Variants in AKAP11 observed in about 807,000 individuals in gnomAD.
The protein encoded by AKAP11 is A-kinase anchoring protein 11, also known as A-kinase anchor protein 11.
AKAP11 carries 36 observed loss-of-function variants against 146.1 expected under a neutral mutation model. The ratio of observed to expected loss-of-function variants is 0.25; its 90% CI spans 0.19 to 0.33. The LOEUF (loss-of-function observed/expected upper bound fraction) is 0.33, where lower values mean the gene tolerates loss of function less well. Among genes scored for constraint, AKAP11 ranks in the 10% least tolerant of loss-of-function variants. AKAP11 has a pLI of 1.00. For synonymous variants in AKAP11, 780 were observed against 786.5 expected, an observed-to-expected ratio of 0.99 and a Z score of 0.14; for missense variants, 2,201 against 2,197.0, an observed-to-expected ratio of 1.00 and a Z score of -0.04.
chr13:42,306,846 TTTGTTTGTTG>T (rs1960284889), intron 8 of AKAP11, among the ~76,000 whole-genome samples: 1 of 152,188 alleles, frequency 6.6e-6, no homozygotes, highest in African/African-American at 2.4e-5. Flanking sequence ...TTTATTCATT[TTTGTTTGTTG>T]TTGTTTGTTT....
At position 42,317,662 on chromosome 13, in the gene AKAP11, G is replaced by A. The variant is rs1383182964; in HGVS notation, c.5539G>A (p.Asp1847Asn). Residue 1847 changes from aspartate to asparagine, a missense_variant, in exon 12 of 13, where the codon GAC becomes AAC. Coordinates refer to ENST00000025301, the MANE Select transcript of AKAP11 (RefSeq NM_016248.4). ...EAEVAELYFH[D>N]SANKEFMLLS... ...TGAAGTTGCAGAACTTTATTTTCATGACTCTGCAAATAAGGAGTTTATGCT... is the reference window on the plus strand; with the variant it reads ...TGAAGTTGCAGAACTTTATTTTCATAACTCTGCAAATAAGGAGTTTATGCT... 1 of 1,614,012 alleles carries A rather than the reference G, an allele frequency of 6.2e-7. No individual in the cohort carries two copies. Among genetic ancestry groups the A allele is most frequent in the Non-Finnish European group, 8.5e-7 (1 of 1,179,982 alleles).
chr13:42,299,339 C>T (rs1399894728), intron 7 of AKAP11, 24 bp from the exon 8 acceptor site: 6 of 1,558,148 alleles, frequency 3.9e-6, no homozygotes, highest in Non-Finnish European at 5.2e-6. Context: ...AAAATAATTT[C>T]ACCATTTCAT....
chr13:42,308,819 T>C (rs1317061894), intron 9 of AKAP11, among the ~76,000 whole-genome samples: 1 of 152,232 alleles, frequency 6.6e-6, no homozygotes, highest in Non-Finnish European at 1.5e-5. Flanking sequence ...GGTGTGCCAA[T>C]AGTTGATTTG....
chr13:42,313,146 A>C lies in AKAP11; in HGVS notation c.5357+16A>C. On this transcript the variant is annotated intron_variant, in intron 10 of 12. Transcript: ENST00000025301. ...CATCAGACAGGTTGGTCCAGTCTAG[A>C]AACTTAAAAACTGATGAGTCTGTCA... 3.2e-6 allele frequency: 5 copies of C among 1,573,602 alleles called. No homozygotes were observed. Among genetic ancestry groups the C allele is most frequent in the Non-Finnish European group, 4.3e-6 (5 of 1,150,562 alleles).
chr13:42,303,507 C>T lies in AKAP11; in HGVS notation c.4761C>T (p.Cys1587=), dbSNP rs779467836. ...TGTCACCTCTTACAGGTCAAGCTTG[C>T]AGATACTGTGACCTTAAAGAACTCC... ...EKLSPLTGQA[C]RYCDLKELHN... The change falls in exon 8 of 13, where the codon TGC becomes TGT. Residue 1587 remains cysteine, a synonymous_variant. Transcript: ENST00000025301. 2.5e-6 allele frequency: 4 copies of T among 1,614,090 alleles called. No individual in the cohort carries two copies. Among genetic ancestry groups the T allele is most frequent in the Middle Eastern group, 1.6e-4 (1 of 6,084 alleles).
At chr13:42,288,768 A>G (rs1427675512) in intron 3 of AKAP11, among the ~76,000 whole-genome samples, 2 of 152,066 alleles carry the variant, frequency 1.3e-5, no homozygotes, top group South Asian at 2.1e-4. Context: ...AGGCCAGGCT[A>G]GTTTTATTTT....
In AKAP11 at chr13:42,292,497, C is replaced by T; in HGVS notation, c.164C>T (p.Thr55Ile). 6.4e-7 allele frequency: 1 copy of T among 1,560,758 alleles called. No individual in the cohort carries two copies. Among genetic ancestry groups the T allele is most frequent in the Non-Finnish European group, 8.8e-7 (1 of 1,142,318 alleles). The change falls in exon 4 of 13, where the codon ACT becomes ATT. Residue 55 changes from threonine (T) to isoleucine (I), a missense_variant. Physicochemically the swap from Thr to Ile is moderately conservative, Grantham distance 89. Transcript: ENST00000025301. ...CLQQDEHANL[T>I]EVTFLGFNEE... ...CAGCAGGATGAGCATGCCAATTTAA[C>T]TGAGGTTTAACATACTACTTTCTAA... is the stretch of plus-strand genomic sequence containing the variant.
Position 42,286,019 on chromosome 13 carries a change from G to T in AKAP11, c.-66G>T, listed in dbSNP as rs1195805129. The stretch of plus-strand genomic sequence containing the variant: ...CTTTGACACTTTGCAATAAAAAAGG[G>T]CAGTGAGATTGAATAGGTAAGGGTG... On this transcript the variant is annotated 5_prime_UTR_variant, in exon 2 of 13. Coordinates refer to ENST00000025301, the MANE Select transcript of AKAP11 (RefSeq NM_016248.4). 6.1e-6 allele frequency: 1 copy of T among 163,244 alleles called. No homozygotes were observed. The highest frequency in any genetic ancestry group is 1.3e-5 in the Non-Finnish European group (1 of 75,686). The allele number at this position is 163,244 out of a possible 1,614,324, so 10.1% of individuals were successfully genotyped here.
chr13:42,285,466 T>C (rs1161064337), intron 1 of AKAP11, among the ~76,000 whole-genome samples: 1 of 152,244 alleles, frequency 6.6e-6, no homozygotes, highest in Non-Finnish European at 1.5e-5. Context: ...TACTCTTTAT[T>C]GTGATGAAAC....
intron 8 of AKAP11, among the ~76,000 whole-genome samples, chr13:42,306,617 A>G (rs1188440123): frequency 6.6e-6 from 1 of 152,160 alleles, no homozygotes; most frequent in Non-Finnish European, 1.5e-5. Flanking sequence ...AGCTGACTCT[A>G]GTGTGTAGAG....
At chr13:42,314,731 T>A (rs1960737766) in intron 11 of AKAP11, among the ~76,000 whole-genome samples, 1 of 152,136 alleles carries the variant, frequency 6.6e-6, no homozygotes, top group Non-Finnish European at 1.5e-5. Context: ...AATTAATTAT[T>A]CTTCCCTCCC....
Position 42,311,916 on chromosome 13 carries a change from A to G in AKAP11, c.5274-1131A>G, listed in dbSNP as rs114511328. 3.1e-3 allele frequency among the ~76,000 whole-genome samples: 470 copies of G among 152,308 alleles called. 1 individual carries two copies. Among genetic ancestry groups the G allele is most frequent in the African/African-American group, 0.011 (449 of 41,568 alleles). ...TTTAACTTTTACTCTCTAATACATC[A>G]TGATTTGTGACAGTTTGATCATGTT... On this transcript the variant is annotated intron_variant, in intron 9 of 12. Transcript: ENST00000025301.
At chr13:42,292,609 G>A (rs537921083) in intron 4 of AKAP11, 108 bp downstream of exon 4, 2 of 592,442 alleles carry the variant, frequency 3.4e-6, no homozygotes, top group Admixed American at 2.9e-5. Flanking sequence ...ATCTCTATTT[G>A]TTGTTACATG....
intron 1 of AKAP11, among the ~76,000 whole-genome samples, chr13:42,278,658 T>C (rs575824726): frequency 6.6e-6 from 1 of 152,352 alleles, no homozygotes; most frequent in Non-Finnish European, 1.5e-5. Context: ...TTACTATTTT[T>C]AAACAGTTAT....
In AKAP11 at chr13:42,301,255, T is replaced by C. The variant is rs1475075934; in HGVS notation, c.2509T>C (p.Cys837Arg). 5.0e-6 allele frequency: 8 copies of C among 1,613,994 alleles called. No individual in the cohort carries two copies. Among genetic ancestry groups the C allele is most frequent in the Non-Finnish European group, 6.8e-6 (8 of 1,179,952 alleles). The change falls in exon 8 of 13, where the codon TGT (cysteine) becomes CGT (arginine). Residue 837 changes from cysteine to arginine, a missense_variant. Physicochemically the swap from Cys to Arg is radical, Grantham distance 180. Transcript: ENST00000025301. The stretch of plus-strand genomic sequence containing the variant: ...AAAAGCAGCTTGTCTCAGAAATATT[T>C]GTTTACCTTCAGAACACAATCCAGG... ...EEKAACLRNI[C>R]LPSEHNPGNQ...
chr13:42,301,141 T>C lies in AKAP11; in HGVS notation c.2395T>C (p.Cys799Arg). The C allele has an allele frequency of 3.1e-6, 5 of 1,614,120 alleles. No individual in the cohort carries two copies. Among genetic ancestry groups the C allele is most frequent in the Non-Finnish European group, 3.4e-6 (4 of 1,179,970 alleles). Residue 799 changes from cysteine to arginine, a missense_variant, in exon 8 of 13, where the codon TGT becomes CGT. This residue lies in a region of AKAP11 where 1,867 missense variants were observed against 1,833.5 expected (regional missense o/e 1.02). Transcript: ENST00000025301. ...LLPYHISSTA[C>R]QAKAHLSSDD... ...CCCATATCATATTTCATCTACTGCA[T>C]GTCAGGCCAAGGCTCATCTGTCATC...
chr13:42,290,522 C>T (rs1478238535), intron 3 of AKAP11, among the ~76,000 whole-genome samples: 1 of 152,166 alleles, frequency 6.6e-6, no homozygotes, highest in East Asian at 1.9e-4. Context: ...ATGGATAATC[C>T]TTTCCTAAAT....
rs1385929470 is a variant in AKAP11, at chr13:42,313,083, A to G, written c.5310A>G (p.Leu1770=). Residue 1770 remains leucine, a synonymous_variant, in exon 10 of 13, where the codon TTA becomes TTG. Transcript: ENST00000025301. ...GCAGTAGCTGGAGCAGTCTTGGTTT[A>G]GAAGGAGATTTGTATGAGGACAATT... ...GNSSSWSSLG[L]EGDLYEDNLS... is the part of the protein sequence containing the mutation. 2 of 1,613,504 alleles carry G rather than the reference A, an allele frequency of 1.2e-6. No homozygotes were observed. The highest frequency in any genetic ancestry group is 2.7e-5 in the African/African-American group (2 of 74,918).
chr13:42,295,745 A>T lies in AKAP11; in HGVS notation c.216+3A>T. The T allele has an allele frequency of 6.2e-7, 1 of 1,608,008 alleles. No homozygotes were observed. The highest frequency in any genetic ancestry group is 1.7e-5 in the Admixed American group (1 of 58,458). Reference sequence around the variant, plus strand: ...AGACAGATGCTGCTCATATACAGGTATGGTGAATTTTAGCATTTTTACTGA... The same window carrying T: ...AGACAGATGCTGCTCATATACAGGTTTGGTGAATTTTAGCATTTTTACTGA... On this transcript the variant is annotated splice_donor_region_variant and intron_variant, in intron 5 of 12. Coordinates refer to ENST00000025301, the MANE Select transcript of AKAP11 (RefSeq NM_016248.4).
Sources: gnomAD v4.1 joint callset for allele counts (sites outside exome capture counted in the v4.1 genomes callset) on GRCh38, gnomAD v4.1.1 for gene constraint, gnomAD v4.1.1 regional missense constraint, MANE v1.5 for transcripts, NCBI Gene and HGNC (gene_info 2026-07-23, HGNC 2026-07-21) for gene names.